ENTREP2: variants seen among roughly 807,000 people sequenced by gnomAD.
The protein encoded by ENTREP2 is protein ENTREP2.
the ENTREP2 span, among the ~76,000 whole-genome samples, chr15:29,657,716 C>G: frequency 6.6e-6 from 1 of 152,038 alleles, no homozygotes. Flanking sequence ...CAGAAAAGTT[C>G]CTGATTGGTG....
At chr15:29,473,520 C>T in the ENTREP2 span, among the ~76,000 whole-genome samples, 2 of 152,170 alleles carry the variant, frequency 1.3e-5, no homozygotes, top group Non-Finnish European at 2.9e-5. Flanking sequence ...TAAGTGTTAT[C>T]AAATAAACAT....
chr15:29,271,711 C>CT, the ENTREP2 span, among the ~76,000 whole-genome samples: 1 of 152,128 alleles, frequency 6.6e-6, no homozygotes, highest in South Asian at 2.1e-4. Context: ...CATGTAAAAT[C>CT]TTTAGTGTTG....
At chr15:29,124,226 G>A in the ENTREP2 span, among the ~76,000 whole-genome samples, 18 of 152,336 alleles carry the variant, frequency 1.2e-4, no homozygotes, top group Middle Eastern at 3.4e-3. Context: ...TGGACACTGG[G>A]CTGAGGGTCC....
At chr15:29,269,043 T>C in the ENTREP2 span, 1 of 1,613,828 alleles carries the variant, frequency 6.2e-7, no homozygotes, top group Non-Finnish European at 8.5e-7. Flanking sequence ...CAGTAATGAG[T>C]TTCTTTGGAT....
At chr15:29,622,409 T>C in the ENTREP2 span, among the ~76,000 whole-genome samples, 1 of 152,136 alleles carries the variant, frequency 6.6e-6, no homozygotes, top group Admixed American at 6.6e-5. Flanking sequence ...GGTTTCACCA[T>C]GTTGACCAGG....
chr15:29,175,298 A>C, the ENTREP2 span, among the ~76,000 whole-genome samples: 1 of 152,252 alleles, frequency 6.6e-6, no homozygotes, highest in African/African-American at 2.4e-5. Context: ...TGTAAGGGTA[A>C]GATTAGTTTC....
chr15:29,552,868 A>G, the ENTREP2 span, among the ~76,000 whole-genome samples: 1 of 152,220 alleles, frequency 6.6e-6, no homozygotes, highest in African/African-American at 2.4e-5. Context: ...CCCCACTCAC[A>G]GTAACTCCTG....
chr15:29,166,976 G>A, the ENTREP2 span, among the ~76,000 whole-genome samples: 209 of 152,094 alleles, frequency 1.4e-3, 1 homozygote, highest in Non-Finnish European at 1.8e-3. Flanking sequence ...ATAAGCACAT[G>A]GACCAATGGA....
the ENTREP2 span, among the ~76,000 whole-genome samples, chr15:29,359,106 G>A: frequency 6.6e-6 from 1 of 152,210 alleles, no homozygotes; most frequent in African/African-American, 2.4e-5. Context: ...CATCCAAACA[G>A]AGCAAAATGT....
chr15:29,336,376 A>G, the ENTREP2 span, among the ~76,000 whole-genome samples: 1 of 151,874 alleles, frequency 6.6e-6, no homozygotes, highest in Non-Finnish European at 1.5e-5. Context: ...CAGTGGCGTG[A>G]TCACAGCTCA....
At chr15:29,429,671 C>T in the ENTREP2 span, among the ~76,000 whole-genome samples, 2 of 152,302 alleles carry the variant, frequency 1.3e-5, no homozygotes, top group East Asian at 1.9e-4. Flanking sequence ...TGACAGGATC[C>T]GGTAGAAGGG....
the ENTREP2 span, among the ~76,000 whole-genome samples, chr15:29,594,643 C>A: frequency 2.4e-4 from 37 of 152,190 alleles, no homozygotes; most frequent in African/African-American, 8.2e-4. Context: ...GAGGATAATG[C>A]AATCTGATTT....
At chr15:29,529,233 GA>G in the ENTREP2 span, among the ~76,000 whole-genome samples, 1 of 140,402 alleles carries the variant, frequency 7.1e-6, no homozygotes, top group Non-Finnish European at 1.6e-5. Flanking sequence ...AGGGGTGTGT[GA>G]GGGTGTGGAG....
the ENTREP2 span, among the ~76,000 whole-genome samples, chr15:29,507,997 G>T: frequency 2.0e-5 from 3 of 151,698 alleles, no homozygotes; most frequent in South Asian, 2.1e-4. Context: ...AAAATAGGCC[G>T]CTAGCCAGAC....
chr15:29,272,139 C>T, the ENTREP2 span, among the ~76,000 whole-genome samples: 1 of 152,170 alleles, frequency 6.6e-6, no homozygotes, highest in Non-Finnish European at 1.5e-5. Flanking sequence ...TCTCTCTACA[C>T]TCTTTCCAGA....
At chr15:29,184,557 G>A in the ENTREP2 span, among the ~76,000 whole-genome samples, 8 of 152,118 alleles carry the variant, frequency 5.3e-5, no homozygotes, top group Non-Finnish European at 1.0e-4. Flanking sequence ...GCACATCCTG[G>A]GGCCTCCATT....
chr15:29,151,142 A>G, the ENTREP2 span, among the ~76,000 whole-genome samples: 2 of 152,088 alleles, frequency 1.3e-5, no homozygotes, highest in Non-Finnish European at 2.9e-5. Flanking sequence ...ATAAATGTGT[A>G]TTAATAACCC....
the ENTREP2 span, among the ~76,000 whole-genome samples, chr15:29,127,844 C>T: frequency 6.6e-6 from 1 of 152,276 alleles, no homozygotes; most frequent in East Asian, 1.9e-4. Context: ...CAGGTGTGGC[C>T]GCCCTGTGAC....
At chr15:29,583,340 C>T in the ENTREP2 span, among the ~76,000 whole-genome samples, 22 of 152,242 alleles carry the variant, frequency 1.4e-4, no homozygotes, top group East Asian at 1.2e-3. Context: ...TTCTTTGCAG[C>T]GACATGGATG....
Sources: gnomAD v4.1 joint callset for allele counts (sites outside exome capture counted in the v4.1 genomes callset) on GRCh38, gnomAD v4.1.1 for gene constraint, MANE v1.5 for transcripts, NCBI Gene and HGNC (gene_info 2026-07-23, HGNC 2026-07-21) for gene names.